The following KCND2 variants were observed in gnomAD, a reference collection of about 807,000 sequenced individuals.
KCND2 encodes A-type voltage-gated potassium channel KCND2.
Under a neutral mutation model 54.4 loss-of-function variants are expected in KCND2, and 16 were observed. The ratio of observed to expected loss-of-function variants is 0.29; its 90% CI spans 0.20 to 0.45. The LOEUF is 0.45. KCND2 is among the 20% of genes least tolerant of loss of function. The probability of loss-of-function intolerance (pLI) is 1.00; values close to 1 mark genes in which losing one functional copy is unlikely to be tolerated. For synonymous variants in KCND2, 317 were observed against 310.7 expected (o/e 1.02, Z -0.21); for missense variants, 486 against 824.2 (o/e 0.59, Z 5.02).
At chr7:120,500,336 A>G (rs1802913515) in intron 1 of KCND2, among the ~76,000 whole-genome samples, 4 of 152,166 alleles carry the variant, frequency 2.6e-5, no homozygotes, top group South Asian at 2.1e-4. Flanking sequence ...ACATAAGTAA[A>G]TGTTCATGTC....
At chr7:120,375,634 C>T (rs752560866) in intron 1 of KCND2, among the ~76,000 whole-genome samples, 9 of 151,788 alleles carry the variant, frequency 5.9e-5, no homozygotes, top group East Asian at 3.9e-4. Context: ...TTCTATTACA[C>T]GAATTGTCAT....
rs58301382 is a variant in KCND2, at chr7:120,595,591, G to GTATATATATATATA, written c.1116-137303_1116-137290dup. ...TGTGTGTATATATATGTGTGTGTGTGTATATATATATATATATATATACAC... is the reference window on the plus strand; with the variant it reads ...TGTGTGTATATATATGTGTGTGTGTGTATATATATATATATATATATATATATATATATATACAC... On this transcript the variant is annotated intron_variant, in intron 1 of 5. Coordinates refer to ENST00000331113, the MANE Select transcript of KCND2 (RefSeq NM_012281.3). 9.7e-4 allele frequency among the ~76,000 whole-genome samples: 128 copies of GTATATATATATATA among 131,884 alleles called. 1 individual carries two copies. The highest frequency in any genetic ancestry group is 4.0e-3 in the Middle Eastern group (1 of 252). The allele number at this position is 131,884 out of a possible 152,430, so 86.5% of individuals were successfully genotyped here.
At position 120,289,077 on chromosome 7, in the gene KCND2, CAGAGAGAG is replaced by C. The variant is rs112703117; in HGVS notation, c.1115+13340_1115+13347del. Among the ~76,000 whole-genome samples, 48 of 20,952 alleles carry C rather than the reference CAGAGAGAG, an allele frequency of 2.3e-3. No homozygotes were observed. The East Asian group carries it at 0.035, about 15-fold the overall frequency. The allele number at this position is 20,952 out of a possible 152,430, so 13.7% of individuals were successfully genotyped here. On this transcript the variant is annotated intron_variant, in intron 1 of 5. Coordinates refer to ENST00000331113, the MANE Select transcript of KCND2 (RefSeq NM_012281.3). ...ACACACACACACACACACACACACA[CAGAGAGAG>C]AGAGAGAGACTAGGAGAAAGAAAAG... is the stretch of plus-strand genomic sequence containing the variant.
At chr7:120,300,327 C>A (rs2116293623) in intron 1 of KCND2, among the ~76,000 whole-genome samples, 1 of 152,174 alleles carries the variant, frequency 6.6e-6, no homozygotes, top group African/African-American at 2.4e-5. Flanking sequence ...CTCTTTGCAG[C>A]AAATACATGA....
At chr7:120,427,989 T>C (rs994415636) in intron 1 of KCND2, among the ~76,000 whole-genome samples, 2 of 152,204 alleles carry the variant, frequency 1.3e-5, no homozygotes, top group African/African-American at 4.8e-5. Flanking sequence ...GCTGATTCAA[T>C]TGGTTTACAT....
chr7:120,543,266 C>G (rs1300505079), intron 1 of KCND2, among the ~76,000 whole-genome samples: 1 of 151,648 alleles, frequency 6.6e-6, no homozygotes, highest in East Asian at 1.9e-4. Flanking sequence ...CTGTCTCCTT[C>G]TCACTCCAGT....
chr7:120,715,082 A>T (rs899795580), intron 1 of KCND2, among the ~76,000 whole-genome samples: 3 of 152,044 alleles, frequency 2.0e-5, no homozygotes, highest in Admixed American at 2.0e-4. Flanking sequence ...GAAAGAGTAC[A>T]GCCTTTGCCG....
At chr7:120,500,855 T>C (rs1401738778) in intron 1 of KCND2, among the ~76,000 whole-genome samples, 1 of 151,280 alleles carries the variant, frequency 6.6e-6, no homozygotes, top group African/African-American at 2.4e-5. Flanking sequence ...TTAAATATTA[T>C]TGAGAATATT....
chr7:120,278,341 A>G (rs1179463352), intron 1 of KCND2, among the ~76,000 whole-genome samples: 1 of 151,830 alleles, frequency 6.6e-6, no homozygotes, highest in Non-Finnish European at 1.5e-5. Context: ...TAAGGTGCAA[A>G]CTTTCTGGGA....
chr7:120,530,730 T>C (rs1351287688), intron 1 of KCND2, among the ~76,000 whole-genome samples: 1 of 152,158 alleles, frequency 6.6e-6, no homozygotes, highest in Non-Finnish European at 1.5e-5. Flanking sequence ...TTATTATATT[T>C]CTACCTCACT....
At chr7:120,351,119 G>A (rs1310953819) in intron 1 of KCND2, among the ~76,000 whole-genome samples, 1 of 150,838 alleles carries the variant, frequency 6.6e-6, no homozygotes, top group African/African-American at 2.4e-5. Context: ...GAATCACAAA[G>A]TTGTAGAAAG....
intron 1 of KCND2, among the ~76,000 whole-genome samples, chr7:120,290,683 C>T (rs1799421627): frequency 6.6e-6 from 1 of 151,958 alleles, no homozygotes. Context: ...TATTGTCTAG[C>T]TGGCATATTA....
intron 1 of KCND2, among the ~76,000 whole-genome samples, chr7:120,419,814 T>C (rs1801584448): frequency 6.6e-6 from 1 of 152,008 alleles, no homozygotes. Context: ...AGTAAGAATC[T>C]AAAAATTCCA....
At chr7:120,439,934 A>T (rs933632765) in intron 1 of KCND2, among the ~76,000 whole-genome samples, 7 of 152,010 alleles carry the variant, frequency 4.6e-5, no homozygotes, top group African/African-American at 1.7e-4. Context: ...TATTTTGGCT[A>T]TTGTGAATAG....
chr7:120,444,876 T>C (rs1801997018), intron 1 of KCND2, among the ~76,000 whole-genome samples: 1 of 152,068 alleles, frequency 6.6e-6, no homozygotes, highest in Admixed American at 6.6e-5. Flanking sequence ...TCAATGAAAT[T>C]CATATGGTAA....
chr7:120,625,412 C>A (rs1470217782), intron 1 of KCND2, among the ~76,000 whole-genome samples: 4 of 152,112 alleles, frequency 2.6e-5, no homozygotes, highest in African/African-American at 7.2e-5. Flanking sequence ...AACTTTAATT[C>A]AAATGCAAAA....
chr7:120,563,522 A>G (rs957853907), intron 1 of KCND2, among the ~76,000 whole-genome samples: 2 of 152,130 alleles, frequency 1.3e-5, no homozygotes, highest in East Asian at 3.9e-4. Context: ...CTCAATCTCA[A>G]TCCATTCCAC....
At chr7:120,525,970 A>T (rs1359325162) in intron 1 of KCND2, among the ~76,000 whole-genome samples, 1 of 152,064 alleles carries the variant, frequency 6.6e-6, no homozygotes, top group Non-Finnish European at 1.5e-5. Context: ...ATGTTTGGTT[A>T]CTGTTCTCCA....
At chr7:120,582,984 T>C (rs879723256) in intron 1 of KCND2, among the ~76,000 whole-genome samples, 1 of 147,970 alleles carries the variant, frequency 6.8e-6, no homozygotes, top group African/African-American at 2.5e-5. Context: ...GTGTGTATGT[T>C]TTATGTGCAC....
Sources: allele counts gnomAD v4.1 joint callset (sites outside exome capture counted in the v4.1 genomes callset), GRCh38; gene constraint gnomAD v4.1.1; transcripts MANE v1.5; gene names NCBI Gene and HGNC (gene_info 2026-07-23, HGNC 2026-07-21).